PYY: variants seen among roughly 807,000 people sequenced by gnomAD.
The protein encoded by PYY is peptide tyrosine tyrosine.
PYY carries 12 observed loss-of-function variants against 10.3 expected under a neutral mutation model. The observed-to-expected ratio is 1.17, with a 90% CI of 0.75 to 1.89. PYY has a LOEUF of 1.89. Among genes scored for constraint, PYY ranks in the 40% most tolerant of loss-of-function variants. The pLI, the probability that PYY is intolerant of heterozygous loss-of-function variation, is 0.00. For missense variants in PYY, 141 were observed against 134.0 expected, an observed-to-expected ratio of 1.05 and a Z score of -0.26; for synonymous variants, 66 against 62.0, an observed-to-expected ratio of 1.06 and a Z score of -0.30.
upstream of PYY, among the ~76,000 whole-genome samples, chr17:43,955,043 G>A (rs976386999): frequency 1.3e-5 from 2 of 152,210 alleles, no homozygotes; most frequent in African/African-American, 4.8e-5. Flanking sequence ...AATTGTGAGG[G>A]GCAGAAAGGC....
At chr17:43,982,417 G>A (rs1342105168) in intron 1 of PYY, among the ~76,000 whole-genome samples, 2 of 152,238 alleles carry the variant, frequency 1.3e-5, no homozygotes, top group African/African-American at 4.8e-5. Flanking sequence ...TACTGATTGA[G>A]GAAGGACAGT....
At chr17:43,972,080 C>A (rs1463550572) in intron 1 of PYY, among the ~76,000 whole-genome samples, 1 of 151,792 alleles carries the variant, frequency 6.6e-6, no homozygotes, top group Non-Finnish European at 1.5e-5. Flanking sequence ...TGTTCAGACA[C>A]CATTATTGGG....
rs572586333 is a variant in PYY, at chr17:43,952,838, C to G, written c.*118G>C. On this transcript the variant is annotated 3_prime_UTR_variant, in exon 4 of 4. Transcript: ENST00000692052. The stretch of plus-strand genomic sequence containing the variant: ...ACCGAGACGCGGGCGGAGGGCCGCA[C>G]CCGAACCCTGCCCAGACGCCGCCGT... 1.6e-6 allele frequency: 2 copies of G among 1,220,920 alleles called. No homozygotes were observed. The highest frequency in any genetic ancestry group is 2.8e-5 in the Admixed American group (1 of 36,144). 75.6% of individuals were successfully genotyped at this position (1,220,920 alleles called of 1,614,324 possible).
At chr17:43,962,651 A>G (rs994173719) in intron 2 of PYY, among the ~76,000 whole-genome samples, 1 of 152,202 alleles carries the variant, frequency 6.6e-6, no homozygotes, top group Non-Finnish European at 1.5e-5. Flanking sequence ...CCCATTCCCC[A>G]GGGGCGGGTT....
At chr17:43,973,572 T>A (rs2048809681) in intron 1 of PYY, among the ~76,000 whole-genome samples, 1 of 152,158 alleles carries the variant, frequency 6.6e-6, no homozygotes, top group Non-Finnish European at 1.5e-5. Flanking sequence ...GGTGGGTGGA[T>A]CACCTGAAGT....
intron 1 of PYY, among the ~76,000 whole-genome samples, chr17:44,000,362 C>G (rs1291560602): frequency 6.6e-6 from 1 of 152,080 alleles, no homozygotes; most frequent in African/African-American, 2.4e-5. Flanking sequence ...TTGGTTGGGC[C>G]TGGGTGTATC....
intron 1 of PYY, among the ~76,000 whole-genome samples, chr17:43,979,133 G>A (rs1052372059): frequency 6.6e-6 from 1 of 152,182 alleles, no homozygotes; most frequent in African/African-American, 2.4e-5. Flanking sequence ...AACTTGATGT[G>A]TTTCCAGCAG....
chr17:43,968,397 A>G (rs1000985501), intron 1 of PYY, among the ~76,000 whole-genome samples: 1 of 151,944 alleles, frequency 6.6e-6, no homozygotes, highest in African/African-American at 2.4e-5. Context: ...AAGAGAAAAT[A>G]CTCCTTCGTT....
At chr17:43,999,637 G>A (rs534120593) in intron 1 of PYY, among the ~76,000 whole-genome samples, 5 of 152,014 alleles carry the variant, frequency 3.3e-5, no homozygotes, top group South Asian at 4.2e-4. Context: ...GCGTGGTGGC[G>A]CGTGCCTGTA....
chr17:43,962,786 CA>C (rs1049381101), intron 2 of PYY, among the ~76,000 whole-genome samples: 5 of 152,202 alleles, frequency 3.3e-5, no homozygotes, highest in Admixed American at 1.3e-4. Flanking sequence ...GGGCGGCACA[CA>C]GCTGCTGAAA....
chr17:43,995,034 G>C (rs1365123240), intron 1 of PYY, among the ~76,000 whole-genome samples: 1 of 152,194 alleles, frequency 6.6e-6, no homozygotes, highest in East Asian at 1.9e-4. Flanking sequence ...GGGACTACCC[G>C]GGACTACCCG....
At chr17:43,982,442 G>T (rs776549560) in intron 1 of PYY, among the ~76,000 whole-genome samples, 1 of 152,236 alleles carries the variant, frequency 6.6e-6, no homozygotes, top group Non-Finnish European at 1.5e-5. Context: ...ACTCATGTAC[G>T]CCACTTAACT....
intron 1 of PYY, among the ~76,000 whole-genome samples, chr17:43,969,361 CA>C (rs2048774400): frequency 6.6e-6 from 1 of 151,462 alleles, no homozygotes; most frequent in Non-Finnish European, 1.5e-5. Context: ...ACTAAAAATA[CA>C]AAAATTAGCT....
rs746857353 is a variant in PYY at position 43,953,276 on chromosome 17, C to G, written c.188+20G>C. On this transcript the variant is annotated intron_variant, in intron 2 of 3. Transcript: ENST00000692052. ...CGCAGGGTGAGAGCCCCAGGGGTCC[C>G]GCTCCGCGCCTGCGCTCACCGCTGC... 2 of 1,607,168 alleles carry G rather than the reference C, an allele frequency of 1.2e-6. No homozygotes were observed. The highest frequency in any genetic ancestry group is 8.5e-7 in the Non-Finnish European group (1 of 1,177,074).
At chr17:43,968,812 T>C (rs1157789960) in intron 1 of PYY, among the ~76,000 whole-genome samples, 1 of 139,304 alleles carries the variant, frequency 7.2e-6, no homozygotes, top group East Asian at 2.2e-4. Flanking sequence ...ACTCCATCTC[T>C]AAATAAATAA....
At chr17:43,998,619 C>G (rs2049006048) in intron 1 of PYY, among the ~76,000 whole-genome samples, 2 of 152,082 alleles carry the variant, frequency 1.3e-5, no homozygotes, top group Admixed American at 1.3e-4. Flanking sequence ...GGCTGCAGTA[C>G]AGTGGTGCAT....
Position 43,953,683 on chromosome 17 carries a change from C to T in PYY, c.-1+167G>A, listed in dbSNP as rs531907910. 2.5e-3 allele frequency among the ~76,000 whole-genome samples: 387 copies of T among 152,148 alleles called. 1 individual carries two copies. The highest frequency in any genetic ancestry group is 7.9e-3 in the African/African-American group (328 of 41,504). On this transcript the variant is annotated intron_variant, in intron 1 of 3. Transcript: ENST00000692052. ...TTTCCTCATGTCAGAGGAGCATAAG[C>T]CCTGCCTGCCTCCCCACCCCCACCC...
At chr17:43,966,517 C>T in exon 2 of PYY, 1 of 152,316 alleles carries the variant, frequency 6.6e-6, no homozygotes. Context: ...GCTGAACTTG[C>T]CTGAATGAGT....
intron 1 of PYY, among the ~76,000 whole-genome samples, chr17:43,999,004 A>G (rs1455755227): frequency 6.6e-6 from 1 of 152,200 alleles, no homozygotes; most frequent in East Asian, 1.9e-4. Context: ...TTTAAGTCAT[A>G]AAACTACACA....
Sources: gnomAD v4.1 joint callset for allele counts (sites outside exome capture counted in the v4.1 genomes callset) on GRCh38, gnomAD v4.1.1 for gene constraint, MANE v1.5 for transcripts, NCBI Gene and HGNC (gene_info 2026-07-23, HGNC 2026-07-21) for gene names.